The following CAMTA1 variants were observed in gnomAD, a reference collection of about 807,000 sequenced individuals.
CAMTA1 encodes the protein calmodulin-binding transcription activator 1.
A neutral mutation model predicts 170.9 loss-of-function variants in CAMTA1; 27 were observed. The observed-to-expected ratio is 0.16, with a 90% confidence interval of 0.12 to 0.22. CAMTA1 has a LOEUF of 0.22. Ranked by LOEUF, CAMTA1 falls within the 10% of genes least tolerant of loss-of-function variation. CAMTA1 has a pLI of 1.00. For synonymous variants in CAMTA1, 833 were observed against 891.5 expected (o/e 0.93, Z 1.17); for missense variants, 1,619 against 2,217.2 (o/e 0.73, Z 5.42).
chr1:7,339,327 C>T (rs1176497542), intron 5 of CAMTA1, among the ~76,000 whole-genome samples: 4 of 148,774 alleles, frequency 2.7e-5, no homozygotes, highest in Admixed American at 6.8e-5. Context: ...AAAGACAAAG[C>T]TAGGTGAGTG....
intron 5 of CAMTA1, among the ~76,000 whole-genome samples, chr1:7,335,121 C>CTT (rs1255462391): frequency 1.6e-4 from 4 of 24,316 alleles, no homozygotes; most frequent in African/African-American, 3.5e-4. Flanking sequence ...GGCAGCACAG[C>CTT]TTTTGTGTGT....
At chr1:7,290,185 G>A (rs1223373856) in intron 5 of CAMTA1, among the ~76,000 whole-genome samples, 1 of 152,206 alleles carries the variant, frequency 6.6e-6, no homozygotes, top group Non-Finnish European at 1.5e-5. Flanking sequence ...TGATTATCAA[G>A]TCCATCGTGT....
chr1:7,442,132 T>C (rs2092558105), intron 5 of CAMTA1, among the ~76,000 whole-genome samples: 1 of 152,198 alleles, frequency 6.6e-6, no homozygotes, highest in Admixed American at 6.5e-5. Flanking sequence ...TTCCTGAAAT[T>C]CATCTGCATC....
intron 6 of CAMTA1, among the ~76,000 whole-genome samples, chr1:7,579,840 G>A (rs189207120): frequency 2.6e-5 from 4 of 152,290 alleles, no homozygotes; most frequent in East Asian, 1.9e-4. Context: ...GATTAGAAGC[G>A]TGAGCCACCG....
chr1:6,906,113 T>C (rs1678405777), intron 3 of CAMTA1, among the ~76,000 whole-genome samples: 1 of 152,130 alleles, frequency 6.6e-6, no homozygotes, highest in African/African-American at 2.4e-5. Flanking sequence ...GAGCGACTGC[T>C]GTTTTATCTG....
rs1159481041 is a variant in CAMTA1, at chr1:6,971,047, C to T, written c.235-120257C>T. On this transcript the variant is annotated intron_variant, in intron 3 of 22. Coordinates refer to ENST00000303635, the MANE Select transcript of CAMTA1 (RefSeq NM_015215.4). The surrounding 1 kb of genome is among the most constrained non-coding windows in gnomAD (Gnocchi z 4.6). The stretch of plus-strand genomic sequence containing the variant: ...CTTCCTTCTCAGGGCTTTGGAAGCC[C>T]CTCTTCTTTCCAAAGGGGCTTGGCT... Among the ~76,000 whole-genome samples the T allele has an allele frequency of 6.6e-6, 1 of 152,210 alleles. No individual in the cohort carries two copies. The highest frequency in any genetic ancestry group is 2.4e-5 in the African/African-American group (1 of 41,458).
At chr1:7,411,979 A>G (rs1330908896) in intron 5 of CAMTA1, among the ~76,000 whole-genome samples, 6 of 143,876 alleles carry the variant, frequency 4.2e-5, no homozygotes, top group Admixed American at 7.4e-5. Flanking sequence ...TCATTGTTCA[A>G]TTCCCACCTA....
At chr1:7,022,199 C>A (rs1701449121) in intron 3 of CAMTA1, among the ~76,000 whole-genome samples, 1 of 152,190 alleles carries the variant, frequency 6.6e-6, no homozygotes, top group Non-Finnish European at 1.5e-5. Context: ...ATGGTCTCTG[C>A]TTCTCTGGCT....
chr1:7,750,656 T>A (rs1229550083), intron 19 of CAMTA1, among the ~76,000 whole-genome samples: 2 of 152,230 alleles, frequency 1.3e-5, no homozygotes, highest in African/African-American at 4.8e-5. Flanking sequence ...CGAGTGTTCA[T>A]CTTTTACAGG....
intron 3 of CAMTA1, among the ~76,000 whole-genome samples, chr1:6,859,627 A>G (rs950268093): frequency 6.6e-6 from 1 of 152,072 alleles, no homozygotes; most frequent in Non-Finnish European, 1.5e-5. Context: ...GGCTTTACAC[A>G]AAATAAACAA....
At chr1:7,070,161 T>A (rs980770223) in intron 3 of CAMTA1, among the ~76,000 whole-genome samples, 1 of 152,176 alleles carries the variant, frequency 6.6e-6, no homozygotes, top group Non-Finnish European at 1.5e-5. Flanking sequence ...CACTGGCCTC[T>A]CCTTTCCTCT....
At chr1:7,323,116 C>A (rs1678705166) in intron 5 of CAMTA1, among the ~76,000 whole-genome samples, 1 of 150,018 alleles carries the variant, frequency 6.7e-6, no homozygotes, top group South Asian at 2.1e-4. Context: ...GTTTTTTACT[C>A]CTTTTTTTAA....
At chr1:7,365,616 AC>A (rs1448635574) in intron 5 of CAMTA1, among the ~76,000 whole-genome samples, 8 of 152,058 alleles carry the variant, frequency 5.3e-5, no homozygotes, top group Non-Finnish European at 8.8e-5. Flanking sequence ...CTCCTCCTGG[AC>A]CCCCTTCTTG....
chr1:7,428,303 A>G (rs954384727), intron 5 of CAMTA1, among the ~76,000 whole-genome samples: 1 of 152,068 alleles, frequency 6.6e-6, no homozygotes, highest in Non-Finnish European at 1.5e-5. Flanking sequence ...GCCAGCACCT[A>G]GACCAGTGCC....
At chr1:6,788,586 A>G (rs1298545000) in intron 1 of CAMTA1, among the ~76,000 whole-genome samples, 3 of 152,038 alleles carry the variant, frequency 2.0e-5, no homozygotes, top group Non-Finnish European at 4.4e-5. Context: ...AGGGGGTGTT[A>G]TTAGGGAACT....
intron 5 of CAMTA1, among the ~76,000 whole-genome samples, chr1:7,451,620 GA>G (rs2092826810): frequency 6.6e-6 from 1 of 152,146 alleles, no homozygotes; most frequent in Non-Finnish European, 1.5e-5. Flanking sequence ...GCCTCTCCCT[GA>G]GAACCCTTAG....
At chr1:7,134,067 T>C (rs1160200502) in intron 4 of CAMTA1, among the ~76,000 whole-genome samples, 2 of 152,084 alleles carry the variant, frequency 1.3e-5, no homozygotes, top group African/African-American at 4.8e-5. Context: ...TCCCCCCAGG[T>C]AGTCTGCAGC....
intron 4 of CAMTA1, among the ~76,000 whole-genome samples, chr1:7,095,001 T>G (rs1641899562): frequency 6.6e-6 from 1 of 151,976 alleles, no homozygotes; most frequent in Non-Finnish European, 1.5e-5. Flanking sequence ...TGACTGGGTG[T>G]CCCTTTCTCG....
intron 6 of CAMTA1, among the ~76,000 whole-genome samples, chr1:7,472,383 G>A (rs76200859): frequency 0.022 from 3,382 of 152,202 alleles, 150 homozygotes; most frequent in African/African-American, 0.078. Flanking sequence ...CTGAGCACCA[G>A]GAGCGGTGAC....
Sources: gnomAD v4.1 joint callset for allele counts (sites outside exome capture counted in the v4.1 genomes callset) on GRCh38, gnomAD v4.1.1 for gene constraint, Gnocchi (gnomAD v3.1) non-coding constraint, MANE v1.5 for transcripts, NCBI Gene and HGNC (gene_info 2026-07-23, HGNC 2026-07-21) for gene names.